The following TEX261 variants were observed in gnomAD, a reference collection of about 807,000 sequenced individuals.
TEX261 encodes the protein testis expressed 261.
Under a neutral mutation model 25.1 loss-of-function variants are expected in TEX261, and 13 were observed. The ratio of observed to expected loss-of-function variants is 0.52; its 90% CI spans 0.34 to 0.82. The LOEUF (loss-of-function observed/expected upper bound fraction) is 0.82, where lower values mean the gene tolerates loss of function less well. Among genes scored for constraint, TEX261 ranks in the 40% least tolerant of loss-of-function variants. The pLI, the probability that TEX261 is intolerant of heterozygous loss-of-function variation, is 0.02. For missense variants in TEX261, 206 were observed against 243.2 expected (o/e 0.85, Z 1.02); for synonymous variants, 92 against 97.8 (o/e 0.94, Z 0.35).
chr2:70,994,582 C>T (rs1332383190), intron 1 of TEX261, 106 bp downstream of exon 1: 1 of 1,485,494 alleles, frequency 6.7e-7, no homozygotes, highest in Non-Finnish European at 9.1e-7. Context: ...GCCGGGAGCG[C>T]CGGGCAGTGG....
In TEX261 at chr2:70,988,501, G is replaced by A. The variant is rs1016155835; in HGVS notation, c.*99C>T. 309 of 896,254 alleles carry A rather than the reference G, an allele frequency of 3.4e-4. No individual in the cohort carries two copies. Among genetic ancestry groups the A allele is most frequent in the Admixed American group, 6.8e-4 (36 of 52,800 alleles). The allele number at this position is 896,254 out of a possible 1,614,324, so 55.5% of individuals were successfully genotyped here. ...AGTTGAGGGGAAGAAAGCCAGGGCA[G>A]GTGGTAGGTGCCTTCCCGACTTCTG... is the stretch of plus-strand genomic sequence containing the variant. On this transcript the variant is annotated 3_prime_UTR_variant, in exon 6 of 6. Coordinates refer to ENST00000272438, the MANE Select transcript of TEX261 (RefSeq NM_144582.3).
At chr2:70,992,516 G>A (rs1670322350) in intron 2 of TEX261, among the ~76,000 whole-genome samples, 1 of 152,152 alleles carries the variant, frequency 6.6e-6, no homozygotes, top group African/African-American at 2.4e-5. Flanking sequence ...GATCACCTGA[G>A]GTTGGGAGTT....
intron 2 of TEX261, among the ~76,000 whole-genome samples, chr2:70,993,208 C>G (rs1395238344): frequency 6.6e-6 from 1 of 152,238 alleles, no homozygotes. Flanking sequence ...GTGGCAAGGA[C>G]TGTGTCTTCA....
intron 1 of TEX261, chr2:70,994,468 G>A (rs1219404109): frequency 1.1e-5 from 7 of 609,006 alleles, no homozygotes; most frequent in East Asian, 1.0e-4. Flanking sequence ...CTCGGGCAGT[G>A]CCGGAGCGGA....
chr2:70,991,926 T>C lies in TEX261; in HGVS notation c.208A>G (p.Ile70Val). The C allele has an allele frequency of 6.2e-7, 1 of 1,613,748 alleles. No individual in the cohort carries two copies. Among genetic ancestry groups the C allele is most frequent in the Non-Finnish European group, 8.5e-7 (1 of 1,179,858 alleles). The change falls in exon 3 of 6, where the codon ATT (isoleucine) becomes GTT (valine). Residue 70 changes from isoleucine (I) to valine (V), a missense_variant. By Grantham distance (29) the Ile-to-Val change is conservative (BLOSUM62 3). Coordinates refer to ENST00000272438, the MANE Select transcript of TEX261 (RefSeq NM_144582.3). The part of the protein sequence containing the change: ...YVFERFPTSM[I>V]GVGLFTNLVY... ...AGGTTGGTGAATAGGCCCACTCCAA[T>C]CATGCTGGTGGGGAAGCGCTCAAAG... is the stretch of plus-strand genomic sequence containing the variant.
chr2:70,988,596 G>T lies in TEX261; in HGVS notation c.*4C>A. 6.2e-7 allele frequency: 1 copy of T among 1,607,674 alleles called. No individual in the cohort carries two copies. Among genetic ancestry groups the T allele is most frequent in the Non-Finnish European group, 8.5e-7 (1 of 1,174,124 alleles). On this transcript the variant is annotated 3_prime_UTR_variant, in exon 6 of 6. Transcript: ENST00000272438. ...TTGCCCCCCACATCCTGCCTGCATG[G>T]GGGTCAGTATATCTTCTGACGACTG...
intron 4 of TEX261, 31 bp from the exon 5 acceptor site, chr2:70,989,048 C>T (rs1670251729): frequency 3.1e-6 from 5 of 1,591,198 alleles, no homozygotes; most frequent in African/African-American, 1.3e-5. Flanking sequence ...GAAGAGGGTG[C>T]CCCGGAGGTG....
chr2:70,991,861 C>T lies in TEX261; in HGVS notation c.273G>A (p.Met91Ile). The T allele has an allele frequency of 6.2e-7, 1 of 1,613,528 alleles. No individual in the cohort carries two copies. Among genetic ancestry groups the T allele is most frequent in the Non-Finnish European group, 8.5e-7 (1 of 1,179,758 alleles). The change falls in exon 3 of 6, where the codon ATG (methionine) becomes ATA (isoleucine). Residue 91 changes from methionine to isoleucine, a missense_variant. Coordinates refer to ENST00000272438, the MANE Select transcript of TEX261 (RefSeq NM_144582.3). ...FGLLQTFPFI[M>I]LTSPNFILSC... Reference sequence around the variant, plus strand: ...ACAGGATGAAGTTAGGCGAGGTCAGCATGATGAAGGGGAAGGTCTGGAGGA... The same window carrying T: ...ACAGGATGAAGTTAGGCGAGGTCAGTATGATGAAGGGGAAGGTCTGGAGGA...
intron 4 of TEX261, chr2:70,989,522 A>G: frequency 1.9e-6 from 1 of 533,690 alleles, no homozygotes; most frequent in Non-Finnish European, 3.4e-6. Context: ...GGGGGACCCA[A>G]AGGACTCACT....
rs782059619 is a variant in TEX261, at chr2:70,994,698, C to A, written c.60G>T (p.Thr20=). The A allele has an allele frequency of 7.5e-6, 12 of 1,603,746 alleles. No homozygotes were observed. Among genetic ancestry groups the A allele is most frequent in the African/African-American group, 1.3e-5 (1 of 74,606 alleles). ...GTCGTGCAGTCTCACCGACAGCCAG[C>A]GTGATGAAGGCCACCTGGATGAAGA... ...LSLFIQVAFI[T]LAVAAGLYYL... Residue 20 remains threonine (T), a synonymous_variant, in exon 1 of 6, where the codon ACG becomes ACT. Transcript: ENST00000272438.
chr2:70,987,025 G>C lies in TEX261; in HGVS notation c.*1575C>G, dbSNP rs141095542. The C allele has an allele frequency of 6.6e-6, 1 of 152,368 alleles. No homozygotes were observed. The highest frequency in any genetic ancestry group is 1.9e-4 in the East Asian group (1 of 5,174). 9.4% of individuals were successfully genotyped at this position (152,368 alleles called of 1,614,324 possible). On this transcript the variant is annotated 3_prime_UTR_variant, in exon 6 of 6. Coordinates refer to ENST00000272438, the MANE Select transcript of TEX261 (RefSeq NM_144582.3). Reference sequence around the variant, plus strand: ...CCAGATCTAGTAAGACAGGAAAGGGGTCTGCTGGATTTAGCAAGCCCTGGG... The same window carrying C: ...CCAGATCTAGTAAGACAGGAAAGGGCTCTGCTGGATTTAGCAAGCCCTGGG...
Position 70,993,646 on chromosome 2 carries a change from G to T in TEX261, c.150+50C>A, listed in dbSNP as rs781891635. 2.3e-5 allele frequency: 34 copies of T among 1,488,294 alleles called. No individual in the cohort carries two copies. The East Asian group carries it at 7.5e-4, about 33-fold the overall frequency. 92.2% of individuals were successfully genotyped at this position (1,488,294 alleles called of 1,614,324 possible). A position where few individuals can be genotyped will look rare whatever the true frequency, so the allele number is the denominator to read the frequency against. On this transcript the variant is annotated intron_variant, in intron 2 of 5. Coordinates refer to ENST00000272438, the MANE Select transcript of TEX261 (RefSeq NM_144582.3). ...CAAACTCTCCCCACTTCCTGCTTTT[G>T]AGGCAGGGCAAAAGAGTGAGGAGGA...
In TEX261 at chr2:70,988,485, G is replaced by C; in HGVS notation, c.*115C>G. 1.3e-6 allele frequency: 1 copy of C among 781,358 alleles called. No individual in the cohort carries two copies. The allele number at this position is 781,358 out of a possible 1,614,324, so 48.4% of individuals were successfully genotyped here. A position where few individuals can be genotyped will look rare whatever the true frequency, so the allele number is the denominator to read the frequency against. ...GGGGATGGGGCTCCAGAGTTGAGGGGAAGAAAGCCAGGGCAGGTGGTAGGT... is the reference window on the plus strand; with the variant it reads ...GGGGATGGGGCTCCAGAGTTGAGGGCAAGAAAGCCAGGGCAGGTGGTAGGT... On this transcript the variant is annotated 3_prime_UTR_variant, in exon 6 of 6. Transcript: ENST00000272438.
rs1263638867 is a variant in TEX261, at chr2:70,986,317, G to A, written c.*2283C>T. 2 of 152,666 alleles carry A rather than the reference G, an allele frequency of 1.3e-5. No individual in the cohort carries two copies. Among genetic ancestry groups the A allele is most frequent in the Non-Finnish European group, 2.9e-5 (2 of 68,068 alleles). The allele number at this position is 152,666 out of a possible 1,614,324, so 9.5% of individuals were successfully genotyped here. Reference sequence around the variant, plus strand: ...GTGATGAGACCAGAGAGGTGAGCAGGGACAAGGACACCATGAGTCTCACAA... The same window carrying A: ...GTGATGAGACCAGAGAGGTGAGCAGAGACAAGGACACCATGAGTCTCACAA... On this transcript the variant is annotated 3_prime_UTR_variant, in exon 6 of 6. Coordinates refer to ENST00000272438, the MANE Select transcript of TEX261 (RefSeq NM_144582.3).
intron 2 of TEX261, 138 bp from the exon 3 acceptor site, chr2:70,992,121 A>T: frequency 1.4e-6 from 1 of 726,032 alleles, no homozygotes; most frequent in Non-Finnish European, 2.0e-6. Context: ...CTCCCCAGCT[A>T]GGTTCTCTGC....
At chr2:70,994,395 A>G in intron 1 of TEX261, 1 of 511,706 alleles carries the variant, frequency 2.0e-6, no homozygotes, top group South Asian at 2.2e-5. Flanking sequence ...CAGGCCCGCG[A>G]AGAGTGGGAG....
At chr2:70,993,998 C>T (rs1553425941) in intron 1 of TEX261, among the ~76,000 whole-genome samples, 1 of 152,230 alleles carries the variant, frequency 6.6e-6, no homozygotes, top group Admixed American at 6.5e-5. Context: ...GCATTTGATG[C>T]CACAGTACAA....
intron 5 of TEX261, 45 bp from the exon 6 acceptor site, chr2:70,988,760 G>T (rs782687878): frequency 1.9e-6 from 3 of 1,549,662 alleles, no homozygotes; most frequent in Non-Finnish European, 2.7e-6. Context: ...GAGAGTGTGT[G>T]TGTGTGTGTG....
In TEX261 at chr2:70,987,066, G is replaced by T. The variant is rs1205245848; in HGVS notation, c.*1534C>A. ...AAGCCCTGGGAGAACACTGGCAGTA[G>T]AGTGGAGGGGGCGAAGCCACATCAT... On this transcript the variant is annotated 3_prime_UTR_variant, in exon 6 of 6. Coordinates refer to ENST00000272438, the MANE Select transcript of TEX261 (RefSeq NM_144582.3). The T allele has an allele frequency of 2.6e-5, 4 of 152,276 alleles. No individual in the cohort carries two copies. The South Asian group carries it at 6.2e-4, about 24-fold the overall frequency. 9.4% of individuals were successfully genotyped at this position (152,276 alleles called of 1,614,324 possible). A position where few individuals can be genotyped will look rare whatever the true frequency, so the allele number is the denominator to read the frequency against.
Sources: allele counts gnomAD v4.1 joint callset (sites outside exome capture counted in the v4.1 genomes callset), GRCh38; gene constraint gnomAD v4.1.1; transcripts MANE v1.5; gene names NCBI Gene and HGNC (gene_info 2026-07-23, HGNC 2026-07-21).